Variants in SRGAP3 observed in about 807,000 individuals in gnomAD.
SRGAP3 encodes SLIT-ROBO Rho GTPase activating protein 3.
A neutral mutation model predicts 121.1 loss-of-function variants in SRGAP3; 39 were observed. The ratio of observed to expected loss-of-function variants is 0.32; its 90% CI spans 0.25 to 0.42. The LOEUF is 0.42. Ranked by LOEUF, SRGAP3 falls within the 10% of genes least tolerant of loss-of-function variation. SRGAP3 has a pLI of 1.00. For synonymous variants in SRGAP3, 601 were observed against 570.0 expected (o/e 1.05, Z -0.77); for missense variants, 1,213 against 1,470.6 (o/e 0.82, Z 2.86).
At chr3:9,115,842 TA>T (rs974022623) in intron 2 of SRGAP3, among the ~76,000 whole-genome samples, 10 of 151,842 alleles carry the variant, frequency 6.6e-5, no homozygotes, top group African/African-American at 2.4e-4. Flanking sequence ...GTTTCAGCTT[TA>T]AAAAAAACAG....
At chr3:9,289,111 G>T (rs1954831219) in intron 3 of SRGAP3, among the ~76,000 whole-genome samples, 1 of 148,118 alleles carries the variant, frequency 6.8e-6, no homozygotes. Context: ...GTTGATCATG[G>T]TAGTCTAGAA....
At chr3:9,180,451 C>A (rs1951345228) in intron 1 of SRGAP3, among the ~76,000 whole-genome samples, 1 of 152,168 alleles carries the variant, frequency 6.6e-6, no homozygotes, top group Non-Finnish European at 1.5e-5. Context: ...CTTTTGGCTG[C>A]AGAAGCAGGC....
chr3:9,121,421 C>T (rs546380582), intron 2 of SRGAP3, among the ~76,000 whole-genome samples: 149 of 152,298 alleles, frequency 9.8e-4, no homozygotes, highest in South Asian at 4.1e-3. Context: ...ATAGGCAGCC[C>T]GAGGCCAGTC....
At chr3:9,063,521 T>C (rs1946278962) in intron 5 of SRGAP3, among the ~76,000 whole-genome samples, 1 of 151,844 alleles carries the variant, frequency 6.6e-6, no homozygotes, top group African/African-American at 2.4e-5. Context: ...TTTTCATAAA[T>C]AGAGATGGAA....
intron 3 of SRGAP3, among the ~76,000 whole-genome samples, chr3:9,306,653 C>A (rs1955166239): frequency 6.6e-6 from 1 of 152,160 alleles, no homozygotes; most frequent in African/African-American, 2.4e-5. Flanking sequence ...GTTTTCCCAG[C>A]ACCATTTATT....
At chr3:9,187,464 C>G (rs1354547105) in intron 1 of SRGAP3, among the ~76,000 whole-genome samples, 1 of 152,108 alleles carries the variant, frequency 6.6e-6, no homozygotes, top group Non-Finnish European at 1.5e-5. Context: ...CCACACAGCA[C>G]CTTTCACCTC....
intron 3 of SRGAP3, among the ~76,000 whole-genome samples, chr3:9,325,360 C>G (rs1343891177): frequency 1.3e-5 from 2 of 151,818 alleles, no homozygotes; most frequent in African/African-American, 4.8e-5. Context: ...ACTGAGTGGT[C>G]TTTTCATTAA....
chr3:9,288,927 C>T (rs1167901001), intron 3 of SRGAP3, among the ~76,000 whole-genome samples: 11 of 151,330 alleles, frequency 7.3e-5, no homozygotes, highest in Admixed American at 2.0e-4. Flanking sequence ...GATGGAGTCT[C>T]GCTCTGTCAC....
chr3:8,994,205 C>T (rs1260367822), intron 19 of SRGAP3, 138 bp downstream of exon 19: 1 of 1,109,216 alleles, frequency 9.0e-7, no homozygotes, highest in African/African-American at 1.5e-5. Context: ...AGATATTACC[C>T]ATTGTTAGAG....
intron 1 of SRGAP3, among the ~76,000 whole-genome samples, chr3:9,230,693 G>C (rs938363697): frequency 6.6e-6 from 1 of 152,008 alleles, no homozygotes; most frequent in Admixed American, 6.6e-5. Context: ...AAAATAGCAA[G>C]ACGCTGTCTC....
rs943473418 is a variant in SRGAP3 at position 8,982,879 on chromosome 3, A to C, written c.*2640T>G. On this transcript the variant is annotated 3_prime_UTR_variant, in exon 22 of 22. Transcript: ENST00000383836. ...AAGGTGCTTAAAGAAAACAGCTAAG[A>C]CTCTGCCCTCAGAAAATTCAGTGAA... The C allele has an allele frequency of 4.4e-6, 1 of 229,048 alleles. No homozygotes were observed. Among genetic ancestry groups the C allele is most frequent in the African/African-American group, 2.2e-5 (1 of 44,960 alleles). 14.2% of individuals were successfully genotyped at this position (229,048 alleles called of 1,614,324 possible).
intron 2 of SRGAP3, among the ~76,000 whole-genome samples, chr3:9,122,663 C>T (rs549899754): frequency 5.9e-4 from 87 of 148,486 alleles, no homozygotes; most frequent in African/African-American, 2.1e-3. Flanking sequence ...GAGCCGAGAT[C>T]GCACCACTGC....
At chr3:9,173,979 A>C (rs982583046) in intron 1 of SRGAP3, among the ~76,000 whole-genome samples, 1 of 152,176 alleles carries the variant, frequency 6.6e-6, no homozygotes, top group Middle Eastern at 3.4e-3. Flanking sequence ...CACCATTCAT[A>C]ATGTGTCCAT....
intron 4 of SRGAP3, 137 bp downstream of exon 4, chr3:9,079,888 G>A (rs1947158623): frequency 1.3e-6 from 1 of 789,324 alleles, no homozygotes; most frequent in East Asian, 2.7e-5. Context: ...CTGACACGAT[G>A]ACCCACTGTC....
At chr3:9,046,412 C>G (rs2125137370) in intron 10 of SRGAP3, among the ~76,000 whole-genome samples, 1 of 152,272 alleles carries the variant, frequency 6.6e-6, no homozygotes, top group African/African-American at 2.4e-5. Flanking sequence ...CTTGGTGAGT[C>G]CTGAAGGGCA....
intron 21 of SRGAP3, among the ~76,000 whole-genome samples, chr3:8,988,741 G>A (rs563630770): frequency 6.6e-6 from 1 of 152,030 alleles, no homozygotes; most frequent in South Asian, 2.1e-4. Context: ...CAGATGGGGG[G>A]TCAGGAGGAT....
intron 1 of SRGAP3, among the ~76,000 whole-genome samples, chr3:9,199,059 T>A (rs950716094): frequency 2.0e-5 from 3 of 151,982 alleles, no homozygotes; most frequent in African/African-American, 7.3e-5. Flanking sequence ...ATCCAATATC[T>A]GCCCCCCCTT....
chr3:9,165,755 G>A (rs1450202351), intron 1 of SRGAP3, among the ~76,000 whole-genome samples: 3 of 152,052 alleles, frequency 2.0e-5, no homozygotes, highest in Non-Finnish European at 2.9e-5. Flanking sequence ...TTGCATGCAC[G>A]GTTGCCTTGG....
intron 15 of SRGAP3, chr3:9,014,098 A>C (rs1228170770): frequency 1.9e-6 from 1 of 531,916 alleles, no homozygotes; most frequent in Non-Finnish European, 3.4e-6. Flanking sequence ...AGAAACCCAC[A>C]GGGAGATGCC....
Sources: gnomAD v4.1 joint callset for allele counts (sites outside exome capture counted in the v4.1 genomes callset) on GRCh38, gnomAD v4.1.1 for gene constraint, MANE v1.5 for transcripts, NCBI Gene and HGNC (gene_info 2026-07-23, HGNC 2026-07-21) for gene names.